Variants in IQGAP2 observed in about 807,000 individuals in gnomAD.
IQGAP2 encodes ras GTPase-activating-like protein IQGAP2.
A neutral mutation model predicts 201.3 loss-of-function variants in IQGAP2; 173 were observed. The observed-to-expected ratio is 0.86, with a 90% CI of 0.76 to 0.98. The LOEUF (loss-of-function observed/expected upper bound fraction) is 0.98. Among genes scored for constraint, IQGAP2 ranks in the 50% least tolerant of loss-of-function variants. The pLI is 0.00. For synonymous variants in IQGAP2, 675 were observed against 673.9 expected, an observed-to-expected ratio of 1.00 and a Z score of -0.03; for missense variants, 1,687 against 1,864.8, an observed-to-expected ratio of 0.90 and a Z score of 1.76.
At chr5:76,600,437 GC>G (rs1747350783) in intron 10 of IQGAP2, among the ~76,000 whole-genome samples, 1 of 152,150 alleles carries the variant, frequency 6.6e-6, no homozygotes. Context: ...CGTTAGCTGT[GC>G]TAAAATGTTA....
chr5:76,690,538 G>A (rs1448283472), intron 30 of IQGAP2, among the ~76,000 whole-genome samples: 1 of 152,180 alleles, frequency 6.6e-6, no homozygotes, highest in African/African-American at 2.4e-5. Context: ...GCCCTGGAAG[G>A]CAGGCCTCTC....
chr5:76,618,530 C>A (rs745784256), intron 13 of IQGAP2: 1 of 1,614,104 alleles, frequency 6.2e-7, no homozygotes, highest in Non-Finnish European at 8.5e-7. Flanking sequence ...TGGCTCCTGT[C>A]CAGCCTTCCA....
At chr5:76,421,417 C>G (rs1201014586) in intron 1 of IQGAP2, among the ~76,000 whole-genome samples, 1 of 152,056 alleles carries the variant, frequency 6.6e-6, no homozygotes, top group Non-Finnish European at 1.5e-5. Flanking sequence ...AGTTGGAGAT[C>G]AGCCTGGGCA....
chr5:76,657,229 C>T (rs1396448292), intron 20 of IQGAP2, among the ~76,000 whole-genome samples: 1 of 152,198 alleles, frequency 6.6e-6, no homozygotes. Context: ...GGAGAGGCAG[C>T]CATCAACTCT....
intron 1 of IQGAP2, among the ~76,000 whole-genome samples, chr5:76,448,292 G>A (rs919335944): frequency 6.6e-6 from 1 of 152,198 alleles, no homozygotes; most frequent in African/African-American, 2.4e-5. Flanking sequence ...GTGGAAGGGT[G>A]GATAAGGAGA....
intron 28 of IQGAP2, among the ~76,000 whole-genome samples, chr5:76,680,330 G>C (rs1051682725): frequency 5.9e-5 from 9 of 152,078 alleles, no homozygotes; most frequent in Non-Finnish European, 1.3e-4. Flanking sequence ...TACAAAAAGT[G>C]AACTCAAAAT....
At chr5:76,413,544 G>A (rs184791440) in intron 1 of IQGAP2, among the ~76,000 whole-genome samples, 7 of 152,314 alleles carry the variant, frequency 4.6e-5, no homozygotes, top group African/African-American at 1.4e-4. Flanking sequence ...ATCAATTTGG[G>A]TGGGGACCAA....
chr5:76,426,080 A>G (rs1458815753), intron 1 of IQGAP2, among the ~76,000 whole-genome samples: 2 of 152,124 alleles, frequency 1.3e-5, no homozygotes, highest in African/African-American at 4.8e-5. Flanking sequence ...GCATCCAGTC[A>G]TTTTCAGTGA....
chr5:76,423,090 A>G (rs1162643318), intron 1 of IQGAP2, among the ~76,000 whole-genome samples: 3 of 152,226 alleles, frequency 2.0e-5, no homozygotes, highest in Non-Finnish European at 4.4e-5. Flanking sequence ...CTGTCTTCTG[A>G]GTAAAGGATT....
At chr5:76,450,795 G>T (rs776371356) in intron 1 of IQGAP2, among the ~76,000 whole-genome samples, 1 of 152,124 alleles carries the variant, frequency 6.6e-6, no homozygotes, top group Non-Finnish European at 1.5e-5. Flanking sequence ...ATGAGAACTA[G>T]CCTAGGTGGC....
At chr5:76,609,601 T>A (rs1426948820) in intron 12 of IQGAP2, among the ~76,000 whole-genome samples, 3 of 152,168 alleles carry the variant, frequency 2.0e-5, no homozygotes, top group East Asian at 3.9e-4. Context: ...ATACTTTTTT[T>A]AAAAATGAGA....
intron 2 of IQGAP2, among the ~76,000 whole-genome samples, chr5:76,487,184 C>T (rs1220121243): frequency 6.6e-6 from 1 of 151,812 alleles, no homozygotes; most frequent in Non-Finnish European, 1.5e-5. Context: ...CTGCAACCTC[C>T]GCCTCCCAGG....
rs533076380 is a variant in IQGAP2 at position 76,484,572 on chromosome 5, AT to A, written c.146+22912del. 6.7e-3 allele frequency among the ~76,000 whole-genome samples: 1,018 copies of A among 151,820 alleles called. 11 individuals carry two copies. The highest frequency in any genetic ancestry group is 0.023 in the African/African-American group (968 of 41,370). ...ATGAAGCACTTTTCCTTTAAAAAAA[AT>A]TTTTTTTTCTTTAGAAACGGGGTCT... On this transcript the variant is annotated intron_variant, in intron 2 of 35. Coordinates refer to ENST00000274364, the MANE Select transcript of IQGAP2 (RefSeq NM_006633.5).
At chr5:76,675,248 A>G (rs1162195326) in intron 27 of IQGAP2, among the ~76,000 whole-genome samples, 7 of 152,186 alleles carry the variant, frequency 4.6e-5, no homozygotes. Flanking sequence ...ATACAAACAG[A>G]TGACTTTTCA....
chr5:76,604,307 C>T, intron 11 of IQGAP2, among the ~76,000 whole-genome samples: 1 of 124,726 alleles, frequency 8.0e-6, no homozygotes, highest in South Asian at 3.2e-4. Flanking sequence ...AGGACATGAA[C>T]TCATCCTTTT....
chr5:76,614,874 G>A (rs1025625946), intron 13 of IQGAP2, among the ~76,000 whole-genome samples: 3 of 152,104 alleles, frequency 2.0e-5, no homozygotes, highest in Admixed American at 6.5e-5. Context: ...GGTATTATCA[G>A]TATAAAGTAA....
intron 3 of IQGAP2, among the ~76,000 whole-genome samples, chr5:76,565,124 T>C (rs1744655414): frequency 6.6e-6 from 1 of 152,194 alleles, no homozygotes; most frequent in Non-Finnish European, 1.5e-5. Flanking sequence ...AAATAGATAA[T>C]GCAACTTCCT....
At chr5:76,636,994 C>A in intron 15 of IQGAP2, 40 bp from the exon 16 acceptor site, 2 of 1,507,398 alleles carry the variant, frequency 1.3e-6, no homozygotes, top group Non-Finnish European at 1.8e-6. Flanking sequence ...TTTAAGGGTT[C>A]ACTGTGTCTG....
intron 1 of IQGAP2, among the ~76,000 whole-genome samples, chr5:76,406,987 AT>A (rs1209227873): frequency 2.0e-5 from 3 of 149,490 alleles, no homozygotes; most frequent in East Asian, 2.0e-4. Flanking sequence ...CATTATTATT[AT>A]TTTTTTTTTA....
Sources: gnomAD v4.1 joint callset for allele counts (sites outside exome capture counted in the v4.1 genomes callset) on GRCh38, gnomAD v4.1.1 for gene constraint, MANE v1.5 for transcripts, NCBI Gene and HGNC (gene_info 2026-07-23, HGNC 2026-07-21) for gene names.